The following PDE4D variants were observed in gnomAD, a reference collection of about 807,000 sequenced individuals.
PDE4D encodes 3',5'-cyclic-AMP phosphodiesterase 4D.
Under a neutral mutation model 87.4 loss-of-function variants are expected in PDE4D, and 24 were observed. That is an observed-to-expected ratio of 0.27 (90% CI 0.20 to 0.39). The LOEUF (loss-of-function observed/expected upper bound fraction) is 0.39. Among genes scored for constraint, PDE4D ranks in the 10% least tolerant of loss-of-function variants. PDE4D has a pLI of 1.00. For missense variants in PDE4D, 714 were observed against 1,041.0 expected (o/e 0.69, Z 4.32); for synonymous variants, 384 against 383.2 (o/e 1.00, Z -0.02).
chr5:59,046,637 GTCAA>G (rs1760754125), intron 5 of PDE4D, among the ~76,000 whole-genome samples: 1 of 151,950 alleles, frequency 6.6e-6, no homozygotes, highest in South Asian at 2.1e-4. Context: ...TCTCCCAATC[GTCAA>G]TAAGGTTACT....
At chr5:59,705,752 T>C (rs1025416761) in intron 1 of PDE4D, among the ~76,000 whole-genome samples, 28 of 152,308 alleles carry the variant, frequency 1.8e-4, no homozygotes, top group African/African-American at 6.5e-4. Flanking sequence ...ATACATGTTA[T>C]GGTATTTATT....
At chr5:59,638,053 T>C (rs1352327495) in intron 1 of PDE4D, among the ~76,000 whole-genome samples, 1 of 152,176 alleles carries the variant, frequency 6.6e-6, no homozygotes, top group African/African-American at 2.4e-5. Flanking sequence ...TACTTAATGT[T>C]GTTACTCATG....
intron 2 of PDE4D, among the ~76,000 whole-genome samples, chr5:60,130,708 G>A (rs1394361902): frequency 6.6e-6 from 1 of 152,112 alleles, no homozygotes; most frequent in East Asian, 1.9e-4. Flanking sequence ...CTACTATCAT[G>A]GGGAAAGAGT....
chr5:59,515,910 G>A (rs1811070606), intron 1 of PDE4D, among the ~76,000 whole-genome samples: 2 of 152,136 alleles, frequency 1.3e-5, no homozygotes, highest in Admixed American at 6.5e-5. Flanking sequence ...CGATGGTGTG[G>A]AAATAACTAG....
At chr5:59,931,079 A>C (rs759448101) in intron 3 of PDE4D, among the ~76,000 whole-genome samples, 14 of 152,232 alleles carry the variant, frequency 9.2e-5, no homozygotes, top group Non-Finnish European at 1.9e-4. Context: ...TATTTATTTT[A>C]CTATTTATGA....
chr5:59,049,021 T>C (rs1761134661), intron 5 of PDE4D, among the ~76,000 whole-genome samples: 1 of 152,198 alleles, frequency 6.6e-6, no homozygotes, highest in Non-Finnish European at 1.5e-5. Flanking sequence ...ACTTATTGTA[T>C]TAATGTCACA....
intron 2 of PDE4D, among the ~76,000 whole-genome samples, chr5:60,028,591 T>A (rs1304311583): frequency 6.6e-6 from 1 of 152,200 alleles, no homozygotes; most frequent in East Asian, 1.9e-4. Flanking sequence ...GAAGGAAGTA[T>A]CCCAATTACT....
At position 59,818,945 on chromosome 5, in the gene PDE4D, G is replaced by A. The variant is rs193132849; in HGVS notation, c.455+74223C>T. On this transcript the variant is annotated intron_variant, in intron 1 of 14. Transcript: ENST00000340635. ...GAAAAGAAAGAGATAAATAGGGGGG[G>A]AATTTTAAGGACCATTAGTAATTTA... Among the ~76,000 whole-genome samples the A allele has an allele frequency of 8.6e-5, 13 of 152,020 alleles. No homozygotes were observed. The East Asian group carries it at 1.7e-3, about 20-fold the overall frequency.
chr5:59,468,226 G>A (rs1415209489), intron 1 of PDE4D, among the ~76,000 whole-genome samples: 5 of 138,260 alleles, frequency 3.6e-5, no homozygotes, highest in Admixed American at 1.4e-4. Flanking sequence ...CACCCTCCCC[G>A]CATCTTCCTG....
intron 1 of PDE4D, among the ~76,000 whole-genome samples, chr5:59,736,235 A>G (rs1758053593): frequency 6.6e-6 from 1 of 152,158 alleles, no homozygotes; most frequent in East Asian, 1.9e-4. Context: ...GGAAATATAA[A>G]GGGTAAACAA....
chr5:60,251,579 T>G (rs1748463974), intron 1 of PDE4D, among the ~76,000 whole-genome samples: 1 of 151,974 alleles, frequency 6.6e-6, no homozygotes. Flanking sequence ...ATGGTGTATA[T>G]GTACCACTTT....
At chr5:59,323,512 C>T (rs912581824) in intron 1 of PDE4D, among the ~76,000 whole-genome samples, 6 of 152,026 alleles carry the variant, frequency 3.9e-5, no homozygotes, top group African/African-American at 1.4e-4. Context: ...TTTGGATATC[C>T]TAACTCAGTA....
chr5:60,427,407 A>T (rs1340929262), intron 1 of PDE4D, among the ~76,000 whole-genome samples: 2 of 152,228 alleles, frequency 1.3e-5, no homozygotes, highest in African/African-American at 4.8e-5. Flanking sequence ...TGGAATTTTT[A>T]AATCGCTGAA....
intron 1 of PDE4D, among the ~76,000 whole-genome samples, chr5:60,299,977 T>C (rs1426255186): frequency 6.6e-6 from 1 of 152,230 alleles, no homozygotes; most frequent in Non-Finnish European, 1.5e-5. Flanking sequence ...ATCGCCACAC[T>C]GTCTCCCAAA....
chr5:60,155,823 G>A (rs1021482707), intron 2 of PDE4D, among the ~76,000 whole-genome samples: 1 of 151,996 alleles, frequency 6.6e-6, no homozygotes, highest in Non-Finnish European at 1.5e-5. Context: ...ATTAAGGTGT[G>A]TTCTTGAACC....
At chr5:59,148,893 T>C (rs182219137) in intron 5 of PDE4D, among the ~76,000 whole-genome samples, 58 of 151,958 alleles carry the variant, frequency 3.8e-4, no homozygotes, top group African/African-American at 1.2e-3. Flanking sequence ...TCAAATACAC[T>C]AACGATATGT....
intron 1 of PDE4D, among the ~76,000 whole-genome samples, chr5:59,753,289 A>C (rs1258134753): frequency 6.6e-6 from 1 of 152,170 alleles, no homozygotes; most frequent in African/African-American, 2.4e-5. Context: ...TTGGGAGGGA[A>C]CAGAACAGCA....
At chr5:59,660,803 C>G (rs1234609502) in intron 1 of PDE4D, among the ~76,000 whole-genome samples, 1 of 152,066 alleles carries the variant, frequency 6.6e-6, no homozygotes, top group Non-Finnish European at 1.5e-5. Flanking sequence ...AGGATAAAAG[C>G]TGCTGAAACA....
chr5:59,582,914 C>T (rs1008644262), intron 1 of PDE4D, among the ~76,000 whole-genome samples: 1 of 152,130 alleles, frequency 6.6e-6, no homozygotes, highest in Admixed American at 6.6e-5. Context: ...CATTAATCAC[C>T]TTCCACAATC....
Sources: allele counts gnomAD v4.1 joint callset (sites outside exome capture counted in the v4.1 genomes callset), GRCh38; gene constraint gnomAD v4.1.1; transcripts MANE v1.5; gene names NCBI Gene and HGNC (gene_info 2026-07-23, HGNC 2026-07-21).